The following LARS2 variants were observed in gnomAD, a reference collection of about 807,000 sequenced individuals.
The protein encoded by LARS2 is leucine--tRNA ligase, mitochondrial.
In LARS2, 81 loss-of-function variants were observed where a neutral mutation model predicts 116.6. The ratio of observed to expected loss-of-function variants is 0.69; its 90% CI spans 0.58 to 0.84. The LOEUF (loss-of-function observed/expected upper bound fraction) is 0.84, where lower values mean the gene tolerates loss of function less well. Ranked by LOEUF, LARS2 falls within the 40% of genes least tolerant of loss-of-function variation. The pLI is 0.00. For synonymous variants in LARS2, 396 were observed against 407.2 expected (o/e 0.97, Z 0.33); for missense variants, 968 against 1,114.5 (o/e 0.87, Z 1.87).
intron 15 of LARS2, among the ~76,000 whole-genome samples, chr3:45,504,889 G>A (rs570922971): frequency 5.3e-5 from 8 of 151,290 alleles, no homozygotes; most frequent in Non-Finnish European, 1.2e-4. Flanking sequence ...AGACCAGCCT[G>A]GCCAACATGG....
intron 10 of LARS2, among the ~76,000 whole-genome samples, chr3:45,477,898 T>C (rs1699640743): frequency 1.3e-5 from 2 of 152,214 alleles, no homozygotes; most frequent in East Asian, 1.9e-4. Flanking sequence ...TAAGACTTTG[T>C]TTACTTAGAC....
At chr3:45,485,188 A>G (rs1478473487) in intron 10 of LARS2, among the ~76,000 whole-genome samples, 2 of 152,130 alleles carry the variant, frequency 1.3e-5, no homozygotes, top group Non-Finnish European at 1.5e-5. Context: ...GCTGGAACAC[A>G]TTCTGTAGTA....
chr3:45,496,401 G>T, intron 14 of LARS2, 28 bp downstream of exon 14: 1 of 1,525,454 alleles, frequency 6.6e-7, no homozygotes, highest in South Asian at 1.1e-5. Flanking sequence ...ATGTCTTTGA[G>T]CATTTGTCAG....
chr3:45,476,743 T>C, intron 10 of LARS2, 116 bp downstream of exon 10: 1 of 982,704 alleles, frequency 1.0e-6, no homozygotes. Context: ...GTTCTTTGCC[T>C]TAGCCTGATT....
At chr3:45,428,345 G>A (rs1281833658) in intron 6 of LARS2, among the ~76,000 whole-genome samples, 5 of 137,560 alleles carry the variant, frequency 3.6e-5, no homozygotes, top group South Asian at 5.0e-4. Context: ...CTAGGCTCAC[G>A]CCATTCTCCT....
chr3:45,501,245 C>A (rs983296330), intron 15 of LARS2, among the ~76,000 whole-genome samples: 4 of 149,498 alleles, frequency 2.7e-5, no homozygotes, highest in Non-Finnish European at 4.4e-5. Context: ...CCCCAAGGTG[C>A]CCCCTCCAAT....
rs779784099 is a variant in LARS2 at position 45,411,617 on chromosome 3, T to A, written c.364-5865T>A. ...ATATTTTGTGCAGAGATCCCTGATA[T>A]AATGTTAAATGAAAAAAGGTCATAA... On this transcript the variant is annotated intron_variant, in intron 4 of 21. Coordinates refer to ENST00000645846, the MANE Select transcript of LARS2 (RefSeq NM_015340.4). 3.8e-4 allele frequency among the ~76,000 whole-genome samples: 58 copies of A among 152,182 alleles called. 2 individuals carry two copies.
At chr3:45,392,794 T>C (rs1697978945) in intron 2 of LARS2, among the ~76,000 whole-genome samples, 1 of 152,224 alleles carries the variant, frequency 6.6e-6, no homozygotes, top group Non-Finnish European at 1.5e-5. Flanking sequence ...ATTTGTGTTC[T>C]AGTACCTTTG....
intron 10 of LARS2, among the ~76,000 whole-genome samples, chr3:45,485,056 C>G (rs1280142113): frequency 6.6e-6 from 1 of 152,122 alleles, no homozygotes; most frequent in Non-Finnish European, 1.5e-5. Flanking sequence ...TCTGCTGCAA[C>G]CTGGCCTATT....
chr3:45,451,635 G>T (rs1444556959), intron 7 of LARS2, among the ~76,000 whole-genome samples: 1 of 152,082 alleles, frequency 6.6e-6, no homozygotes, highest in Non-Finnish European at 1.5e-5. Context: ...ATCAGGTAGT[G>T]TGATGCTTTC....
rs374194205 is a variant in LARS2 at position 45,400,249 on chromosome 3, C to T, written c.239C>T (p.Ser80Leu). The change falls in exon 4 of 22, where the codon TCG becomes TTG. Residue 80 changes from serine to leucine, a missense_variant. Physicochemically the swap from Ser to Leu is moderately radical, Grantham distance 145 (BLOSUM62 -2). Transcript: ENST00000645846. Reference sequence around the variant, plus strand: ...CTCATTGTCGTTCTTTCCTAGAAATCGAAGCCAAAATTTTACGTGCTTTCC... The same window carrying T: ...CTCATTGTCGTTCTTTCCTAGAAATTGAAGCCAAAATTTTACGTGCTTTCC... ...QASKISEADK[S>L]KPKFYVLSMF... The T allele has an allele frequency of 4.4e-5, 71 of 1,612,500 alleles. No homozygotes were observed. The highest frequency in any genetic ancestry group is 5.0e-5 in the Admixed American group (3 of 59,636).
At chr3:45,404,677 T>C (rs1274601354) in intron 4 of LARS2, among the ~76,000 whole-genome samples, 1 of 152,138 alleles carries the variant, frequency 6.6e-6, no homozygotes, top group Non-Finnish European at 1.5e-5. Context: ...AACAGCATTA[T>C]CTCTGCCTCC....
intron 15 of LARS2, among the ~76,000 whole-genome samples, chr3:45,505,381 A>C (rs1700184359): frequency 6.6e-6 from 1 of 151,808 alleles, no homozygotes; most frequent in Non-Finnish European, 1.5e-5. Context: ...TTAAAAACCA[A>C]ATACAACTTG....
At chr3:45,444,674 A>AAC (rs1263959556) in intron 6 of LARS2, among the ~76,000 whole-genome samples, 5 of 150,320 alleles carry the variant, frequency 3.3e-5, no homozygotes, top group East Asian at 1.9e-4. Context: ...AAAAAAAAAA[A>AAC]AAAAAAAAAA....
At chr3:45,530,897 T>G (rs1700604848) in intron 20 of LARS2, among the ~76,000 whole-genome samples, 1 of 152,248 alleles carries the variant, frequency 6.6e-6, no homozygotes, top group Admixed American at 6.5e-5. Context: ...CATAATTTGT[T>G]AAGTTTCCCC....
intron 6 of LARS2, among the ~76,000 whole-genome samples, chr3:45,437,056 A>T (rs1424179890): frequency 6.6e-6 from 1 of 152,194 alleles, no homozygotes; most frequent in Non-Finnish European, 1.5e-5. Flanking sequence ...GTTTTCGGTT[A>T]AAAAAGACAG....
intron 8 of LARS2, among the ~76,000 whole-genome samples, chr3:45,463,437 G>A (rs376079849): frequency 9.2e-5 from 14 of 152,308 alleles, no homozygotes; most frequent in South Asian, 4.2e-4. Flanking sequence ...CAAAGTCTGT[G>A]TTTGCCTCTC....
chr3:45,465,667 GT>G (rs1699411128), intron 8 of LARS2, among the ~76,000 whole-genome samples: 1 of 152,228 alleles, frequency 6.6e-6, no homozygotes. Flanking sequence ...TCCTCCAGGG[GT>G]TGGTACAGGG....
At chr3:45,482,666 C>T (rs959167312) in intron 10 of LARS2, among the ~76,000 whole-genome samples, 1 of 152,114 alleles carries the variant, frequency 6.6e-6, no homozygotes, top group Non-Finnish European at 1.5e-5. Flanking sequence ...TCAAAGAGTA[C>T]TAATAATAAC....
Sources: allele counts gnomAD v4.1 joint callset (sites outside exome capture counted in the v4.1 genomes callset), GRCh38; gene constraint gnomAD v4.1.1; transcripts MANE v1.5; gene names NCBI Gene and HGNC (gene_info 2026-07-23, HGNC 2026-07-21).